CDH7: variants seen among roughly 807,000 people sequenced by gnomAD.
CDH7 encodes cadherin-7.
Under a neutral mutation model 71.8 loss-of-function variants are expected in CDH7, and 25 were observed. That is an observed-to-expected ratio of 0.35 (90% CI 0.25 to 0.49). The LOEUF (loss-of-function observed/expected upper bound fraction) is 0.49, where lower values mean the gene tolerates loss of function less well. CDH7 is among the 20% of genes least tolerant of loss of function. CDH7 has a pLI of 0.99. For synonymous variants in CDH7, 381 were observed against 363.8 expected, an observed-to-expected ratio of 1.05 and a Z score of -0.54; for missense variants, 862 against 974.6, an observed-to-expected ratio of 0.88 and a Z score of 1.54.
chr18:65,859,627 T>G, intron 9 of CDH7, 81 bp from the exon 10 acceptor site: 1 of 796,946 alleles, frequency 1.3e-6, no homozygotes, highest in South Asian at 1.4e-5. Context: ...TATTATAAAG[T>G]GTAAAATTGC....
chr18:65,778,529 C>CTTTTTTTTTTTTTTT (rs1156727313), intron 2 of CDH7, among the ~76,000 whole-genome samples: 5,272 of 82,696 alleles, frequency 0.064, 545 homozygotes, highest in East Asian at 0.12. Context: ...GCGTCTCACT[C>CTTTTTTTTTTTTTTT]TTTTTTTTTT....
chr18:65,819,870 T>C (rs1911855955), intron 4 of CDH7, among the ~76,000 whole-genome samples: 1 of 151,130 alleles, frequency 6.6e-6, no homozygotes, highest in Admixed American at 6.6e-5. Context: ...CTTGGGTTCA[T>C]GTGGTTGTCT....
chr18:65,755,020 G>A (rs1286102622), intron 1 of CDH7, among the ~76,000 whole-genome samples: 4 of 152,096 alleles, frequency 2.6e-5, no homozygotes, highest in African/African-American at 9.7e-5. Context: ...CTGCCCTTCT[G>A]AATGATAATG....
At chr18:65,840,069 G>A (rs187294801) in intron 6 of CDH7, among the ~76,000 whole-genome samples, 1 of 152,318 alleles carries the variant, frequency 6.6e-6, no homozygotes, top group East Asian at 1.9e-4. Flanking sequence ...TCATTTTCAT[G>A]TGGCAGAGAA....
At position 65,887,115 on chromosome 18, in the gene CDH7, TG is replaced by T. The variant is rs1188434768; in HGVS notation, c.*6223del. 5.3e-5 allele frequency: 8 copies of T among 152,136 alleles called. No individual in the cohort carries two copies. Among genetic ancestry groups the T allele is most frequent in the Non-Finnish European group, 8.8e-5 (6 of 68,004 alleles). The allele number at this position is 152,136 out of a possible 1,614,324, so 9.4% of individuals were successfully genotyped here. On this transcript the variant is annotated 3_prime_UTR_variant, in exon 12 of 12. Transcript: ENST00000397968. ...TTATTAATGAATATAATGATGTTAATGGTTTATATAAGCAGGAAAAACTTAT... is the reference window on the plus strand; with the variant it reads ...TTATTAATGAATATAATGATGTTAATGTTTATATAAGCAGGAAAAACTTAT...
At chr18:65,797,591 A>G (rs919473181) in intron 2 of CDH7, among the ~76,000 whole-genome samples, 4 of 152,202 alleles carry the variant, frequency 2.6e-5, no homozygotes, top group Admixed American at 2.0e-4. Context: ...ATTATTCTTT[A>G]TATCTGCTCT....
chr18:65,810,134 G>A (rs1911481763), intron 3 of CDH7, 136 bp downstream of exon 3: 5 of 691,284 alleles, frequency 7.2e-6, no homozygotes, highest in Non-Finnish European at 1.2e-5. Flanking sequence ...GTTAGGGTGA[G>A]GGGAACATTT....
upstream of CDH7, chr18:65,750,621 C>G (rs1251757519): frequency 6.6e-6 from 1 of 152,346 alleles, no homozygotes; most frequent in Non-Finnish European, 1.5e-5. Context: ...GCTCCGTCTT[C>G]GCGTTCTTTT....
intron 1 of CDH7, among the ~76,000 whole-genome samples, chr18:65,753,841 A>G (rs553892962): frequency 2.0e-5 from 3 of 152,316 alleles, no homozygotes; most frequent in East Asian, 1.9e-4. Context: ...ACCAGTTCAA[A>G]TGAATATGCA....
chr18:65,811,775 G>T (rs945033040), intron 3 of CDH7, among the ~76,000 whole-genome samples: 1 of 152,014 alleles, frequency 6.6e-6, no homozygotes, highest in African/African-American at 2.4e-5. Flanking sequence ...TTCCTGCATA[G>T]AATATAGATA....
In CDH7 at chr18:65,809,877, C is replaced by T. The variant is rs886074952; in HGVS notation, c.384C>T (p.Leu128=). 6 of 1,613,932 alleles carry T rather than the reference C, an allele frequency of 3.7e-6. No homozygotes were observed. The African/African-American group carries it at 8.0e-5, about 22-fold the overall frequency. Residue 128 remains leucine (L), a synonymous_variant, in exon 3 of 12, where the codon CTC becomes CTT. Coordinates refer to ENST00000397968, the MANE Select transcript of CDH7 (RefSeq NM_004361.5). ...TCCGAGCTCAAGCGCTGGATAGGCT[C>T]ACCAACAAACCCGTGGAGCCCGAGT... ...YTLRAQALDR[L]TNKPVEPESE...
chr18:65,871,538 T>C (rs961026503), intron 11 of CDH7, among the ~76,000 whole-genome samples: 9 of 151,948 alleles, frequency 5.9e-5, no homozygotes, highest in African/African-American at 2.2e-4. Flanking sequence ...GAAGAATTGT[T>C]TGAGTGGAGC....
At chr18:65,795,017 G>A in intron 2 of CDH7, among the ~76,000 whole-genome samples, 1 of 152,154 alleles carries the variant, frequency 6.6e-6, no homozygotes, top group Admixed American at 6.5e-5. Flanking sequence ...GTGAAGTGGA[G>A]TGAATAAAAT....
chr18:65,800,830 G>T (rs7230595), intron 2 of CDH7, among the ~76,000 whole-genome samples: 7,927 of 152,204 alleles, frequency 0.052, 593 homozygotes, highest in East Asian at 0.4. Context: ...TACTCAGTCA[G>T]AGTATCCCTA....
chr18:65,844,174 G>GAAATATATATATATATATATATATATAT (rs1912847288), intron 7 of CDH7, 109 bp downstream of exon 7: 1 of 222,152 alleles, frequency 4.5e-6, no homozygotes, highest in Admixed American at 5.8e-5. Context: ...ATAAAAACCA[G>GAAATATATATATATATATATATATATAT]ATATATATAT....
chr18:65,817,442 G>A (rs907381612), intron 4 of CDH7, among the ~76,000 whole-genome samples: 2 of 152,154 alleles, frequency 1.3e-5, no homozygotes, highest in African/African-American at 2.4e-5. Flanking sequence ...ATTCTTTGAT[G>A]TTCCAGAAGC....
At chr18:65,858,403 CATATATGT>C (rs1913440983) in intron 8 of CDH7, among the ~76,000 whole-genome samples, 1 of 151,660 alleles carries the variant, frequency 6.6e-6, no homozygotes, top group East Asian at 1.9e-4. Flanking sequence ...TATTTGCATG[CATATATGT>C]ATATGATATA....
intron 4 of CDH7, among the ~76,000 whole-genome samples, chr18:65,821,662 T>A (rs1911934797): frequency 6.6e-6 from 1 of 152,300 alleles, no homozygotes. Context: ...ATAGTAGGAA[T>A]ATTATTTAAC....
At position 65,879,536 on chromosome 18, in the gene CDH7, G is replaced by A. The variant is rs192938954; in HGVS notation, c.1865-865G>A. Among the ~76,000 whole-genome samples, 3 of 152,210 alleles carry A rather than the reference G, an allele frequency of 2.0e-5. No homozygotes were observed. In the East Asian group the frequency reaches 5.8e-4, roughly 29 times the overall value. ...GAAATCAAATGTATTCCCAATTCAA[G>A]GAGCATGCAGTCACTCAGAGGCCAG... On this transcript the variant is annotated intron_variant, in intron 11 of 11. Transcript: ENST00000397968.
Sources: gnomAD v4.1 joint callset for allele counts (sites outside exome capture counted in the v4.1 genomes callset) on GRCh38, gnomAD v4.1.1 for gene constraint, MANE v1.5 for transcripts, NCBI Gene and HGNC (gene_info 2026-07-23, HGNC 2026-07-21) for gene names.